Variants in YAP1 observed in about 807,000 individuals in gnomAD.
The protein encoded by YAP1 is transcriptional coactivator YAP1.
In YAP1, 5 loss-of-function variants were observed where a neutral mutation model predicts 56.9. The ratio of observed to expected loss-of-function variants is 0.09; its 90% CI spans 0.05 to 0.18. The LOEUF is 0.18. YAP1 is among the 10% of genes least tolerant of loss of function. The pLI is 1.00. For synonymous variants in YAP1, 265 were observed against 248.1 expected, an observed-to-expected ratio of 1.07 and a Z score of -0.64; for missense variants, 539 against 651.8, an observed-to-expected ratio of 0.83 and a Z score of 1.88.
At chr11:102,117,422 T>C (rs1943356236) in intron 2 of YAP1, among the ~76,000 whole-genome samples, 1 of 152,196 alleles carries the variant, frequency 6.6e-6, no homozygotes, top group African/African-American at 2.4e-5. Flanking sequence ...GAGATTTATA[T>C]TTGGCATGAA....
intron 4 of YAP1, among the ~76,000 whole-genome samples, chr11:102,189,630 C>G (rs185395334): frequency 3.5e-4 from 54 of 152,212 alleles, no homozygotes; most frequent in African/African-American, 1.3e-3. Context: ...CACAGAAATT[C>G]TATGTGTAGA....
intron 2 of YAP1, among the ~76,000 whole-genome samples, chr11:102,119,278 G>T (rs568064393): frequency 1.3e-5 from 2 of 152,086 alleles, no homozygotes; most frequent in South Asian, 4.1e-4. Context: ...GAAGATAGTA[G>T]ATGTGACAGA....
intron 4 of YAP1, among the ~76,000 whole-genome samples, chr11:102,187,999 T>C (rs915651881): frequency 6.6e-6 from 1 of 152,144 alleles, no homozygotes; most frequent in Admixed American, 6.5e-5. Context: ...ACCTTTTCAC[T>C]CAGAGAGCTC....
At chr11:102,223,876 ATC>A (rs1218242876) in intron 7 of YAP1, 124 bp downstream of exon 7, 5 of 1,271,350 alleles carry the variant, frequency 3.9e-6, no homozygotes, top group Admixed American at 4.6e-5. Flanking sequence ...CTGTAAATGA[ATC>A]TCTCTGTAAA....
At chr11:102,154,031 A>G (rs1016181271) in intron 2 of YAP1, among the ~76,000 whole-genome samples, 1 of 152,152 alleles carries the variant, frequency 6.6e-6, no homozygotes. Flanking sequence ...TTTAATGACC[A>G]TGACTGTGAC....
chr11:102,219,126 C>T (rs1949797648), intron 6 of YAP1, among the ~76,000 whole-genome samples: 1 of 152,156 alleles, frequency 6.6e-6, no homozygotes, highest in South Asian at 2.1e-4. Context: ...AAATGAGAGT[C>T]TTTAGAATAT....
intron 6 of YAP1, among the ~76,000 whole-genome samples, chr11:102,220,229 A>AT (rs1949857355): frequency 6.6e-6 from 1 of 152,084 alleles, no homozygotes; most frequent in African/African-American, 2.4e-5. Flanking sequence ...AAGAAAAGAA[A>AT]TGGACTTCCC....
At chr11:102,193,906 T>C (rs1259997018) in intron 4 of YAP1, among the ~76,000 whole-genome samples, 3 of 151,790 alleles carry the variant, frequency 2.0e-5, no homozygotes, top group Non-Finnish European at 4.4e-5. Context: ...TGGCGCAATC[T>C]TGGCTCACTG....
At chr11:102,165,549 A>G (rs1946555675) in intron 3 of YAP1, among the ~76,000 whole-genome samples, 1 of 152,144 alleles carries the variant, frequency 6.6e-6, no homozygotes, top group Non-Finnish European at 1.5e-5. Context: ...GAGAAGGCAT[A>G]AAGGAGAGGG....
intron 2 of YAP1, among the ~76,000 whole-genome samples, chr11:102,117,508 C>G (rs956152372): frequency 2.0e-5 from 3 of 152,086 alleles, no homozygotes; most frequent in African/African-American, 7.2e-5. Context: ...AAGAAACAAC[C>G]CAGTTGTTGG....
intron 2 of YAP1, among the ~76,000 whole-genome samples, chr11:102,156,942 G>A (rs1018186432): frequency 7.9e-5 from 12 of 152,136 alleles, no homozygotes; most frequent in Non-Finnish European, 1.3e-4. Context: ...TGTTTAAATT[G>A]GTTTCATGCT....
intron 3 of YAP1, among the ~76,000 whole-genome samples, chr11:102,178,005 TA>T (rs2135469748): frequency 6.6e-6 from 1 of 152,298 alleles, no homozygotes; most frequent in African/African-American, 2.4e-5. Context: ...CTCTGCCACT[TA>T]CTAGGTTGGG....
intron 8 of YAP1, 29 bp downstream of exon 8, chr11:102,227,610 C>T (rs1430314211): frequency 1.3e-6 from 2 of 1,490,846 alleles, no homozygotes; most frequent in African/African-American, 2.8e-5. Flanking sequence ...TCTTAGTAAC[C>T]TGACTTAACA....
intron 2 of YAP1, among the ~76,000 whole-genome samples, chr11:102,141,159 T>G (rs1945001478): frequency 6.6e-6 from 1 of 152,244 alleles, no homozygotes; most frequent in Non-Finnish European, 1.5e-5. Context: ...GTCCAAAGTC[T>G]GCCTTGGGAG....
intron 2 of YAP1, among the ~76,000 whole-genome samples, chr11:102,154,030 C>T (rs1945810528): frequency 6.6e-6 from 1 of 152,028 alleles, no homozygotes; most frequent in Admixed American, 6.6e-5. Context: ...TTTTAATGAC[C>T]ATGACTGTGA....
intron 6 of YAP1, among the ~76,000 whole-genome samples, chr11:102,217,855 ACACC>A (rs1949735639): frequency 6.6e-6 from 1 of 152,056 alleles, no homozygotes; most frequent in Non-Finnish European, 1.5e-5. Context: ...ACCTGCCATC[ACACC>A]CAGCTAATTT....
In YAP1 at chr11:102,212,561, C is replaced by CTTTTTA. The variant is rs57754436; in HGVS notation, c.1032+3032_1032+3037dup. Among the ~76,000 whole-genome samples, 1,464 of 149,174 alleles carry CTTTTTA rather than the reference C, an allele frequency of 9.8e-3. 9 individuals are homozygous for CTTTTTA. The highest frequency in any genetic ancestry group is 0.013 in the Non-Finnish European group (894 of 67,416). On this transcript the variant is annotated intron_variant, in intron 6 of 8. Coordinates refer to ENST00000282441, the MANE Select transcript of YAP1 (RefSeq NM_001130145.3). ...AAAAATTCATCCTTACAGAGCTTAA[C>CTTTTTA]TTTTTATTTTTATTTTTATTTTTAT...
intron 2 of YAP1, among the ~76,000 whole-genome samples, chr11:102,127,269 C>T (rs1212124590): frequency 6.6e-6 from 1 of 152,184 alleles, no homozygotes; most frequent in African/African-American, 2.4e-5. Context: ...TCACGTCAGC[C>T]CCTCCCATCA....
intron 2 of YAP1, among the ~76,000 whole-genome samples, chr11:102,139,228 TA>T (rs11300137): frequency 0.51 from 75,024 of 147,368 alleles, 20,431 homozygotes; most frequent in South Asian, 0.68. Flanking sequence ...TCTCTTGACT[TA>T]AAAAAAAAAA....
Sources: gnomAD v4.1 joint callset for allele counts (sites outside exome capture counted in the v4.1 genomes callset) on GRCh38, gnomAD v4.1.1 for gene constraint, MANE v1.5 for transcripts, NCBI Gene and HGNC (gene_info 2026-07-23, HGNC 2026-07-21) for gene names.